Variants in TENM2 observed in about 807,000 individuals in gnomAD.
TENM2 encodes teneurin-2.
Under a neutral mutation model 245.2 loss-of-function variants are expected in TENM2, and 52 were observed. The observed-to-expected ratio is 0.21, with a 90% CI of 0.17 to 0.27. TENM2 has a LOEUF of 0.27. Ranked by LOEUF, TENM2 falls within the 10% of genes least tolerant of loss-of-function variation. The pLI is 1.00. For synonymous variants in TENM2, 1,363 were observed against 1,438.9 expected, an observed-to-expected ratio of 0.95 and a Z score of 1.19; for missense variants, 3,046 against 3,666.8, an observed-to-expected ratio of 0.83 and a Z score of 4.37.
At chr5:167,366,769 C>T (rs1459534821) in intron 1 of TENM2, among the ~76,000 whole-genome samples, 1 of 152,084 alleles carries the variant, frequency 6.6e-6, no homozygotes, top group African/African-American at 2.4e-5. Flanking sequence ...AGCTAACTCA[C>T]TACTCTCTCT....
In TENM2 at chr5:167,426,227, T is replaced by C. The variant is rs1002653905; in HGVS notation, c.502+50754T>C. ...TGCATGTTTTTCTTGAATTCTGATA[T>C]GAGCCATGCAATATAAAATGGCACT... On this transcript the variant is annotated intron_variant, in intron 2 of 28. Coordinates refer to ENST00000518659, the Ensembl canonical transcript of TENM2. Among the ~76,000 whole-genome samples the C allele has an allele frequency of 6.6e-5, 10 of 152,320 alleles. No individual in the cohort carries two copies. In the East Asian group the frequency reaches 7.7e-4, roughly 12 times the overall value.
intron 2 of TENM2, among the ~76,000 whole-genome samples, chr5:167,697,289 G>T (rs1403481858): frequency 6.6e-6 from 1 of 152,072 alleles, no homozygotes; most frequent in Non-Finnish European, 1.5e-5. Flanking sequence ...GGCCCTCCTT[G>T]GCTCCCACTT....
intron 2 of TENM2, among the ~76,000 whole-genome samples, chr5:167,768,776 G>A (rs1763209072): frequency 6.6e-6 from 1 of 152,180 alleles, no homozygotes; most frequent in Admixed American, 6.5e-5. Flanking sequence ...GATTAAGTAA[G>A]ATAATAAATG....
At chr5:168,074,791 C>T (rs1334212849) in intron 7 of TENM2, among the ~76,000 whole-genome samples, 1 of 152,160 alleles carries the variant, frequency 6.6e-6, no homozygotes, top group South Asian at 2.1e-4. Flanking sequence ...TCAGGTGGCT[C>T]CCCCTGACGT....
the TENM2 span, among the ~76,000 whole-genome samples, chr5:167,187,503 A>G: frequency 6.6e-6 from 1 of 152,134 alleles, no homozygotes; most frequent in African/African-American, 2.4e-5. Flanking sequence ...ACTCTTCTCC[A>G]ATGTGACCAA....
the TENM2 span, among the ~76,000 whole-genome samples, chr5:167,258,198 C>CATATAT: frequency 4.9e-3 from 699 of 141,860 alleles, 17 homozygotes; most frequent in African/African-American, 0.018. Flanking sequence ...AATGTGTTGC[C>CATATAT]ATATATATAT....
chr5:167,188,632 AT>A, the TENM2 span, among the ~76,000 whole-genome samples: 1 of 152,142 alleles, frequency 6.6e-6, no homozygotes, highest in Non-Finnish European at 1.5e-5. Flanking sequence ...AAGGTTTTTA[AT>A]TTTTGATAAA....
chr5:168,016,732 C>T (rs975289421), intron 5 of TENM2, among the ~76,000 whole-genome samples: 10 of 152,150 alleles, frequency 6.6e-5, no homozygotes, highest in Admixed American at 2.0e-4. Flanking sequence ...CCTCTGAAAT[C>T]GGATAGAATG....
intron 3 of TENM2, among the ~76,000 whole-genome samples, chr5:167,892,700 G>A (rs760721378): frequency 2.6e-5 from 4 of 152,206 alleles, no homozygotes; most frequent in South Asian, 2.1e-4. Context: ...ATTTTGCCTC[G>A]ATTATAGTTC....
chr5:168,107,002 A>G (rs574967720), intron 9 of TENM2, among the ~76,000 whole-genome samples: 140 of 152,216 alleles, frequency 9.2e-4, no homozygotes, highest in African/African-American at 3.3e-3. Flanking sequence ...GGAGGTTGCA[A>G]TGAGCAGAGA....
chr5:168,230,224 A>G (rs1396988670), intron 25 of TENM2, among the ~76,000 whole-genome samples: 1 of 152,218 alleles, frequency 6.6e-6, no homozygotes, highest in African/African-American at 2.4e-5. Context: ...ACACCTCAAC[A>G]TTTAATTGTC....
intron 1 of TENM2, among the ~76,000 whole-genome samples, chr5:167,368,585 C>A (rs1362313170): frequency 6.6e-6 from 1 of 151,940 alleles, no homozygotes; most frequent in Non-Finnish European, 1.5e-5. Flanking sequence ...CATTATGAAA[C>A]CCTGGATCGT....
chr5:167,914,479 T>A (rs957164926), intron 3 of TENM2, among the ~76,000 whole-genome samples: 10 of 152,186 alleles, frequency 6.6e-5, no homozygotes, highest in African/African-American at 2.4e-4. Context: ...TATGATTACA[T>A]TGGGTCCACC....
At chr5:167,408,820 A>G (rs1374584957) in intron 2 of TENM2, among the ~76,000 whole-genome samples, 4 of 150,204 alleles carry the variant, frequency 2.7e-5, no homozygotes, top group Admixed American at 6.7e-5. Flanking sequence ...ATATGTATCT[A>G]TAGTGTATAT....
chr5:167,153,203 T>C, the TENM2 span, among the ~76,000 whole-genome samples: 1 of 151,934 alleles, frequency 6.6e-6, no homozygotes, highest in Non-Finnish European at 1.5e-5. Context: ...ACATACCTTT[T>C]GACTCCCCCC....
chr5:168,141,020 T>G (rs952978970), intron 12 of TENM2, among the ~76,000 whole-genome samples: 1 of 152,084 alleles, frequency 6.6e-6, no homozygotes, highest in African/African-American at 2.4e-5. Context: ...TTCCCCTGTA[T>G]GACTGGGTTC....
chr5:167,312,921 TAAATGGAGC>T (rs1756128082), intron 1 of TENM2, among the ~76,000 whole-genome samples: 1 of 146,580 alleles, frequency 6.8e-6, no homozygotes. Context: ...TTTTTTTTTT[TAAATGGAGC>T]CTCCTTCTGT....
At chr5:167,853,383 A>C (rs1583189459) in intron 2 of TENM2, among the ~76,000 whole-genome samples, 1 of 151,292 alleles carries the variant, frequency 6.6e-6, no homozygotes, top group African/African-American at 2.4e-5. Flanking sequence ...TGAGTTTTCA[A>C]ATCGCTCCAT....
At chr5:168,094,915 G>A (rs897957550) in intron 8 of TENM2, among the ~76,000 whole-genome samples, 1 of 151,950 alleles carries the variant, frequency 6.6e-6, no homozygotes, top group Non-Finnish European at 1.5e-5. Context: ...ATTATCATAG[G>A]AGGGCAAACC....
Sources: allele counts gnomAD v4.1 joint callset (sites outside exome capture counted in the v4.1 genomes callset), GRCh38; gene constraint gnomAD v4.1.1; transcripts MANE v1.5; gene names NCBI Gene and HGNC (gene_info 2026-07-23, HGNC 2026-07-21).